The following CLSTN2 variants were observed in gnomAD, a reference collection of about 807,000 sequenced individuals.
The protein encoded by CLSTN2 is calsyntenin 2.
In CLSTN2, 48 loss-of-function variants were observed where a neutral mutation model predicts 101.2. The observed-to-expected ratio is 0.47, with a 90% CI of 0.38 to 0.60. The LOEUF (loss-of-function observed/expected upper bound fraction) is 0.60, where lower values mean the gene tolerates loss of function less well. Among genes scored for constraint, CLSTN2 ranks in the 20% least tolerant of loss-of-function variants. The pLI, the probability that CLSTN2 is intolerant of heterozygous loss-of-function variation, is 0.00. For synonymous variants in CLSTN2, 481 were observed against 463.6 expected, an observed-to-expected ratio of 1.04 and a Z score of -0.48; for missense variants, 1,160 against 1,238.2, an observed-to-expected ratio of 0.94 and a Z score of 0.95.
intron 2 of CLSTN2, among the ~76,000 whole-genome samples, chr3:140,359,934 T>C (rs1048950349): frequency 2.6e-5 from 4 of 151,924 alleles, no homozygotes; most frequent in African/African-American, 9.7e-5. Flanking sequence ...GATATAAATA[T>C]ATACACTTTA....
At chr3:140,188,220 G>T (rs1038007132) in intron 2 of CLSTN2, among the ~76,000 whole-genome samples, 3 of 152,168 alleles carry the variant, frequency 2.0e-5, no homozygotes, top group Non-Finnish European at 4.4e-5. Context: ...ATGCTTTGGC[G>T]TGTTTGCTCC....
chr3:140,539,044 A>G (rs1935416081), intron 9 of CLSTN2, among the ~76,000 whole-genome samples: 1 of 152,232 alleles, frequency 6.6e-6, no homozygotes, highest in South Asian at 2.1e-4. Flanking sequence ...GTTCTTCCCT[A>G]TTAGGTCAAG....
chr3:140,009,223 T>C (rs1196664236), intron 1 of CLSTN2, among the ~76,000 whole-genome samples: 2 of 152,228 alleles, frequency 1.3e-5, no homozygotes, highest in Non-Finnish European at 2.9e-5. Flanking sequence ...TTTTCTGTTC[T>C]TTCCTGAAGC....
chr3:140,432,154 C>G (rs898657744), intron 5 of CLSTN2, among the ~76,000 whole-genome samples: 1 of 152,016 alleles, frequency 6.6e-6, no homozygotes, highest in East Asian at 1.9e-4. Flanking sequence ...TCCTGGGGGT[C>G]GGTCCAGGAA....
At chr3:140,278,840 C>G (rs1210392289) in intron 2 of CLSTN2, among the ~76,000 whole-genome samples, 1 of 152,152 alleles carries the variant, frequency 6.6e-6, no homozygotes, top group Admixed American at 6.5e-5. Context: ...CCACCTCATC[C>G]TTCTGAGTAG....
chr3:140,262,014 C>A (rs7624775), intron 2 of CLSTN2, among the ~76,000 whole-genome samples: 8,267 of 152,174 alleles, frequency 0.054, 526 homozygotes, highest in African/African-American at 0.16. Context: ...ATAAAAAGTA[C>A]AGATTTTAGA....
At chr3:139,997,174 A>G (rs2006686126) in intron 1 of CLSTN2, among the ~76,000 whole-genome samples, 1 of 152,066 alleles carries the variant, frequency 6.6e-6, no homozygotes, top group African/African-American at 2.4e-5. Flanking sequence ...ATATTAATAT[A>G]TTAATGTTTT....
At chr3:140,121,189 A>G (rs1269370378) in intron 1 of CLSTN2, among the ~76,000 whole-genome samples, 4 of 152,190 alleles carry the variant, frequency 2.6e-5, no homozygotes, top group African/African-American at 7.2e-5. Flanking sequence ...AGGTTACAGG[A>G]ACCTCAAGAT....
In CLSTN2 at chr3:139,969,996, C is replaced by T. The variant is rs139247349; in HGVS notation, c.109+34513C>T. 6.0e-4 allele frequency among the ~76,000 whole-genome samples: 92 copies of T among 152,254 alleles called. No individual in the cohort carries two copies. The East Asian group carries it at 0.013, about 22-fold the overall frequency. ...TGCTTTGGAGTCATAAAACTGGGCTCAATTCACCCTGTTCCCCTACTTACC... is the reference window on the plus strand; with the variant it reads ...TGCTTTGGAGTCATAAAACTGGGCTTAATTCACCCTGTTCCCCTACTTACC... On this transcript the variant is annotated intron_variant, in intron 1 of 16. Transcript: ENST00000458420.
intron 8 of CLSTN2, among the ~76,000 whole-genome samples, chr3:140,500,140 T>C (rs1934549137): frequency 6.6e-6 from 1 of 152,104 alleles, no homozygotes; most frequent in African/African-American, 2.4e-5. Flanking sequence ...AGCTCAGGGC[T>C]CCCAAGTGGG....
In CLSTN2 at chr3:140,337,951, C is replaced by G. The variant is rs370780118; in HGVS notation, c.233-65678C>G. Among the ~76,000 whole-genome samples, 29 of 152,226 alleles carry G rather than the reference C, an allele frequency of 1.9e-4. 1 individual carries two copies. The East Asian group carries it at 4.2e-3, about 22-fold the overall frequency. On this transcript the variant is annotated intron_variant, in intron 2 of 16. Transcript: ENST00000458420. ...TGCCCAACTTACTAAGAGAGCAACT[C>G]TCTTGTCTGGAGTCATGGAGCTAGG...
chr3:140,466,780 G>T, intron 8 of CLSTN2, 49 bp downstream of exon 8: 1 of 1,610,730 alleles, frequency 6.2e-7, no homozygotes. Flanking sequence ...CTGCGGGGGT[G>T]GCCAGTCCAA....
In CLSTN2 at chr3:140,093,692, A is replaced by G. The variant is rs1360305752; in HGVS notation, c.110-82259A>G. 1.5e-4 allele frequency among the ~76,000 whole-genome samples: 23 copies of G among 152,142 alleles called. 1 individual carries two copies. Among genetic ancestry groups the G allele is most frequent in the Non-Finnish European group, 3.4e-4 (23 of 68,032 alleles). On this transcript the variant is annotated intron_variant, in intron 1 of 16. Coordinates refer to ENST00000458420, the MANE Select transcript of CLSTN2 (RefSeq NM_022131.3). ...TGATCTTCCACTCTATCTCTCCCCTAAAGAAGGATTTTCCAATGACCAGTG... is the reference window on the plus strand; with the variant it reads ...TGATCTTCCACTCTATCTCTCCCCTGAAGAAGGATTTTCCAATGACCAGTG...
chr3:140,285,156 G>A (rs1017693759), intron 2 of CLSTN2, among the ~76,000 whole-genome samples: 4 of 152,246 alleles, frequency 2.6e-5, no homozygotes, highest in African/African-American at 9.6e-5. Flanking sequence ...TGCAATGTTG[G>A]GAATGTTCTC....
chr3:140,314,849 C>A (rs1239043142), intron 2 of CLSTN2, among the ~76,000 whole-genome samples: 2 of 152,082 alleles, frequency 1.3e-5, no homozygotes, highest in Admixed American at 1.3e-4. Context: ...ATTGGTGTAA[C>A]TATCTATGTA....
chr3:140,196,779 A>G (rs538910962), intron 2 of CLSTN2, among the ~76,000 whole-genome samples: 7 of 152,350 alleles, frequency 4.6e-5, no homozygotes, highest in African/African-American at 1.7e-4. Context: ...AAACCCCAGA[A>G]TTGAAGATTC....
At chr3:140,202,163 G>C (rs577953169) in intron 2 of CLSTN2, among the ~76,000 whole-genome samples, 3 of 152,318 alleles carry the variant, frequency 2.0e-5, no homozygotes, top group East Asian at 3.9e-4. Context: ...GCAGGGGTTT[G>C]AGCAGAAGAG....
At chr3:140,158,687 A>G (rs1291667316) in intron 1 of CLSTN2, among the ~76,000 whole-genome samples, 1 of 152,224 alleles carries the variant, frequency 6.6e-6, no homozygotes, top group Non-Finnish European at 1.5e-5. Flanking sequence ...AAAAGACTCT[A>G]AAATTTATAT....
chr3:140,263,135 C>A (rs2086668072), intron 2 of CLSTN2, among the ~76,000 whole-genome samples: 1 of 151,570 alleles, frequency 6.6e-6, no homozygotes, highest in Non-Finnish European at 1.5e-5. Flanking sequence ...AGAGGATAGC[C>A]TGGCTTAGTC....
Sources: allele counts gnomAD v4.1 joint callset (sites outside exome capture counted in the v4.1 genomes callset), GRCh38; gene constraint gnomAD v4.1.1; transcripts MANE v1.5; gene names NCBI Gene and HGNC (gene_info 2026-07-23, HGNC 2026-07-21).